The following FANCC variants were observed in gnomAD, a reference collection of about 807,000 sequenced individuals.
FANCC encodes the protein FA complementation group C.
In FANCC, 55 loss-of-function variants were observed where a neutral mutation model predicts 71.3. The ratio of observed to expected loss-of-function variants is 0.77; its 90% CI spans 0.62 to 0.97. The LOEUF (loss-of-function observed/expected upper bound fraction) is 0.97. FANCC is among the 50% of genes least tolerant of loss of function. The pLI is 0.00. For synonymous variants in FANCC, 275 were observed against 244.9 expected (o/e 1.12, Z -1.15); for missense variants, 678 against 670.9 (o/e 1.01, Z -0.12).
intron 4 of FANCC, among the ~76,000 whole-genome samples, chr9:95,219,257 A>G (rs1199364988): frequency 6.6e-6 from 1 of 152,234 alleles, no homozygotes; most frequent in Non-Finnish European, 1.5e-5. Context: ...GTCTCTGTGA[A>G]GCAGCAGGAG....
At chr9:95,132,459 T>C (rs1827049515) in intron 8 of FANCC, among the ~76,000 whole-genome samples, 2 of 152,214 alleles carry the variant, frequency 1.3e-5, no homozygotes, top group African/African-American at 4.8e-5. Context: ...AGCTATGGAT[T>C]ATGGTCTTCC....
rs953084375 is a variant in FANCC, at chr9:95,245,587, T to C, written c.250+1845A>G. 5.3e-5 allele frequency among the ~76,000 whole-genome samples: 8 copies of C among 151,626 alleles called. No homozygotes were observed. In the East Asian group the frequency reaches 1.2e-3, roughly 22 times the overall value. On this transcript the variant is annotated intron_variant, in intron 3 of 14. Transcript: ENST00000289081. The stretch of plus-strand genomic sequence containing the variant: ...ACACTATATTGTTACAGTTGATTTA[T>C]TGTATTGTTGTCATTGTTAAACCCT...
chr9:95,311,035 G>C (rs1423709694), intron 1 of FANCC, among the ~76,000 whole-genome samples: 1 of 152,086 alleles, frequency 6.6e-6, no homozygotes, highest in East Asian at 1.9e-4. Flanking sequence ...ACGAGGTCAG[G>C]AGATCAAGAC....
intron 1 of FANCC, chr9:95,292,574 A>G (rs761230390): frequency 2.3e-5 from 33 of 1,457,206 alleles, no homozygotes; most frequent in Admixed American, 5.2e-5. Context: ...CCCAGACCAC[A>G]TGGCCCAACA....
At chr9:95,221,583 T>C (rs1355936764) in intron 4 of FANCC, among the ~76,000 whole-genome samples, 3 of 151,844 alleles carry the variant, frequency 2.0e-5, no homozygotes, top group Non-Finnish European at 2.9e-5. Context: ...ATTAAGAAAA[T>C]GAAAAGGCAA....
Position 95,303,465 on chromosome 9 carries a change from C to A in FANCC, c.-79+14061G>T, listed in dbSNP as rs369551368. On this transcript the variant is annotated intron_variant, in intron 1 of 14. Transcript: ENST00000289081. ...GCTGAGGTCCTAGCTTGACCTCAAC[C>A]TGTCTTCGTCAGTTTAGGCTGCCAT... 3.0e-4 allele frequency among the ~76,000 whole-genome samples: 46 copies of A among 152,334 alleles called. No homozygotes were observed. The East Asian group carries it at 6.2e-3, about 20-fold the overall frequency.
intron 1 of FANCC, among the ~76,000 whole-genome samples, chr9:95,270,533 A>G (rs1832658376): frequency 1.3e-5 from 2 of 152,252 alleles, no homozygotes; most frequent in Non-Finnish European, 2.9e-5. Flanking sequence ...TCTAGTGCAT[A>G]AACTGCTGTG....
At chr9:95,143,013 A>G (rs1035609872) in intron 7 of FANCC, among the ~76,000 whole-genome samples, 28 of 152,196 alleles carry the variant, frequency 1.8e-4, no homozygotes, top group African/African-American at 1.7e-4. Context: ...TCAGATGCCA[A>G]TCACAGGTCT....
At chr9:95,294,896 G>A (rs760835593) in intron 1 of FANCC, 45 of 1,224,968 alleles carry the variant, frequency 3.7e-5, no homozygotes, top group Non-Finnish European at 4.5e-5. Flanking sequence ...GTATTAATTC[G>A]ATTGAATGTG....
At chr9:95,163,471 T>G (rs1012793440) in intron 6 of FANCC, among the ~76,000 whole-genome samples, 4 of 152,020 alleles carry the variant, frequency 2.6e-5, no homozygotes, top group Admixed American at 1.3e-4. Flanking sequence ...CTGTAAAAAA[T>G]AAAAGAAAAA....
chr9:95,203,313 C>T (rs1357019874), intron 4 of FANCC, among the ~76,000 whole-genome samples: 3 of 139,284 alleles, frequency 2.2e-5, no homozygotes, highest in Non-Finnish European at 4.5e-5. Context: ...GTGGAAGGAT[C>T]GCTTGAGCCC....
intron 4 of FANCC, among the ~76,000 whole-genome samples, chr9:95,194,105 T>G (rs1827271062): frequency 6.6e-6 from 1 of 152,166 alleles, no homozygotes; most frequent in Non-Finnish European, 1.5e-5. Context: ...AATTCTGATG[T>G]GCAGCCAGGG....
At chr9:95,124,962 G>C (rs1825748251) in intron 10 of FANCC, 124 bp downstream of exon 10, 2 of 823,128 alleles carry the variant, frequency 2.4e-6, no homozygotes, top group Non-Finnish European at 4.1e-6. Flanking sequence ...CACTCATTAG[G>C]AACCTTTCTT....
chr9:95,253,057 T>A lies in FANCC; in HGVS notation c.-78-3688A>T, dbSNP rs116989362. On this transcript the variant is annotated intron_variant, in intron 1 of 14. Transcript: ENST00000289081. ...TCCAGCCTGTGTGAGACAGCCAGAC[T>A]GTCTAAAAAAGAAAAAAAGGCAAAC... 3.3e-3 allele frequency among the ~76,000 whole-genome samples: 505 copies of A among 152,128 alleles called. 9 individuals carry two copies. The East Asian group carries it at 0.043, about 13-fold the overall frequency.
chr9:95,270,128 G>C (rs1375524554), intron 1 of FANCC, among the ~76,000 whole-genome samples: 1 of 152,150 alleles, frequency 6.6e-6, no homozygotes, highest in East Asian at 1.9e-4. Flanking sequence ...AGTCTCCTAT[G>C]TCTACTTCTT....
rs757020088 is a variant in FANCC, at chr9:95,111,287, C to T, written c.1329+176G>A. On this transcript the variant is annotated intron_variant, in intron 13 of 14. Coordinates refer to ENST00000289081, the MANE Select transcript of FANCC (RefSeq NM_000136.3). ...GGCCACCTCGGTGGGGACAGGAGAA[C>T]GCCTCTGACCACAAGGCTGGAGATC... is the stretch of plus-strand genomic sequence containing the variant. 83 of 1,566,846 alleles carry T rather than the reference C, an allele frequency of 5.3e-5. 2 individuals carry two copies. Among genetic ancestry groups the T allele is most frequent in the South Asian group, 4.6e-4 (40 of 87,410 alleles).
chr9:95,102,834 A>G (rs1163949105), intron 14 of FANCC, among the ~76,000 whole-genome samples: 1 of 152,176 alleles, frequency 6.6e-6, no homozygotes, highest in African/African-American at 2.4e-5. Flanking sequence ...GCTAAGAGTA[A>G]ACGACGTGGT....
intron 2 of FANCC, among the ~76,000 whole-genome samples, chr9:95,248,521 CTT>C (rs1937866595): frequency 6.6e-6 from 1 of 152,148 alleles, no homozygotes; most frequent in South Asian, 2.1e-4. Context: ...CACAAGAACA[CTT>C]TGTTAAGTGA....
chr9:95,179,298 A>G (rs185872702), intron 4 of FANCC, among the ~76,000 whole-genome samples: 1 of 152,352 alleles, frequency 6.6e-6, no homozygotes, highest in East Asian at 1.9e-4. Flanking sequence ...TATTTTATCA[A>G]AATCTGACCT....
Sources: gnomAD v4.1 joint callset for allele counts (sites outside exome capture counted in the v4.1 genomes callset) on GRCh38, gnomAD v4.1.1 for gene constraint, MANE v1.5 for transcripts, NCBI Gene and HGNC (gene_info 2026-07-23, HGNC 2026-07-21) for gene names.